Variants in CDC6 observed in about 807,000 individuals in gnomAD.
CDC6 encodes cell division cycle 6.
CDC6 carries 46 observed loss-of-function variants against 60.2 expected under a neutral mutation model. The observed-to-expected ratio is 0.76, with a 90% CI of 0.60 to 0.98. The LOEUF (loss-of-function observed/expected upper bound fraction) is 0.98. CDC6 is among the 50% of genes least tolerant of loss of function. CDC6 has a pLI of 0.00. For synonymous variants in CDC6, 210 were observed against 233.2 expected (o/e 0.90, Z 0.90); for missense variants, 596 against 652.9 (o/e 0.91, Z 0.95).
At chr17:40,296,609 G>C in intron 8 of CDC6, 94 bp from the exon 9 acceptor site, 2 of 752,648 alleles carry the variant, frequency 2.7e-6, no homozygotes, top group Non-Finnish European at 4.9e-6. Context: ...TGCAGTCTTT[G>C]AGCAATGGTC....
Position 40,293,940 on chromosome 17 carries a change from C to G in CDC6, c.837-10C>G, listed in dbSNP as rs761076265. On this transcript the variant is annotated splice_polypyrimidine_tract_variant and intron_variant, in intron 5 of 11. Coordinates refer to ENST00000209728, the MANE Select transcript of CDC6 (RefSeq NM_001254.4). Reference sequence around the variant, plus strand: ...GTGAATATGGATACTAACTGTTTCTCTTTTTATAGTGTGTTGGTATTGGAC... The same window carrying G: ...GTGAATATGGATACTAACTGTTTCTGTTTTTATAGTGTGTTGGTATTGGAC... 2 of 1,603,396 alleles carry G rather than the reference C, an allele frequency of 1.2e-6. No individual in the cohort carries two copies. Among genetic ancestry groups the G allele is most frequent in the Non-Finnish European group, 1.7e-6 (2 of 1,170,376 alleles).
At chr17:40,296,126 G>C (rs574354717) in intron 8 of CDC6, among the ~76,000 whole-genome samples, 19 of 152,288 alleles carry the variant, frequency 1.2e-4, no homozygotes, top group South Asian at 6.2e-4. Context: ...CCTATTGCTA[G>C]ATTGCATGAT....
chr17:40,291,737 GT>G (rs2032766291), intron 4 of CDC6, 69 bp downstream of exon 4: 7 of 1,408,838 alleles, frequency 5.0e-6, no homozygotes, highest in Non-Finnish European at 7.0e-6. Context: ...TTGTTTGTTT[GT>G]TTTGTTTTGT....
Position 40,289,634 on chromosome 17 carries a change from C to T in CDC6, c.178+36C>T, listed in dbSNP as rs780766946. 2.6e-5 allele frequency: 41 copies of T among 1,552,780 alleles called. No individual in the cohort carries two copies. The Admixed American group carries it at 6.7e-4, about 25-fold the overall frequency. On this transcript the variant is annotated intron_variant, in intron 2 of 11. Coordinates refer to ENST00000209728, the MANE Select transcript of CDC6 (RefSeq NM_001254.4). Reference sequence around the variant, plus strand: ...CATTATATCACTTTTTCACTAGCAGCTCGTGACCTTTCTTTTCTTGGTAAG... The same window carrying T: ...CATTATATCACTTTTTCACTAGCAGTTCGTGACCTTTCTTTTCTTGGTAAG...
intron 11 of CDC6, 52 bp from the exon 12 acceptor site, chr17:40,301,860 C>A: frequency 8.2e-7 from 1 of 1,220,696 alleles, no homozygotes. Context: ...ATACTGACAA[C>A]TTTGCTTTTG....
chr17:40,303,505 C>G lies in CDC6; in HGVS notation c.*1504C>G, dbSNP rs1029908402. 3 of 152,242 alleles carry G rather than the reference C, an allele frequency of 2.0e-5. No individual in the cohort carries two copies. Among genetic ancestry groups the G allele is most frequent in the African/African-American group, 4.8e-5 (2 of 41,446 alleles). The allele number at this position is 152,242 out of a possible 1,614,324, so 9.4% of individuals were successfully genotyped here. A position where few individuals can be genotyped will look rare whatever the true frequency, so the allele number is the denominator to read the frequency against. On this transcript the variant is annotated 3_prime_UTR_variant, in exon 12 of 12. Transcript: ENST00000209728. ...CTGTATCCGTGTAATGTGATCTGAG[C>G]TACAACAGGTGGTATGGGATAGAGG...
chr17:40,301,654 T>C, intron 11 of CDC6, 46 bp downstream of exon 11: 1 of 1,588,056 alleles, frequency 6.3e-7, no homozygotes, highest in African/African-American at 1.3e-5. Context: ...TCCTATTTTG[T>C]AGAGTGATGC....
In CDC6 at chr17:40,301,502, A is replaced by T. The variant is rs544050407; in HGVS notation, c.1487A>T (p.Gln496Leu). 3.1e-5 allele frequency: 50 copies of T among 1,614,036 alleles called. 1 individual carries two copies. The South Asian group carries it at 5.1e-4, about 16-fold the overall frequency. Reference protein sequence around the residue: ...YEAYSKVCRKQQVAAVDQSEC... With the variant: ...YEAYSKVCRKLQVAAVDQSEC... ...GCCTACAGTAAAGTCTGTCGCAAAC[A>T]GCAGGTGGCGGCTGTGGACCAGTCA... Residue 496 changes from glutamine (Q) to leucine (L), a missense_variant, in exon 11 of 12, where the codon CAG (glutamine) becomes CTG (leucine). Gln to Leu is a moderately radical substitution (Grantham distance 113). Coordinates refer to ENST00000209728, the MANE Select transcript of CDC6 (RefSeq NM_001254.4).
chr17:40,299,654 T>G (rs1485538664), intron 9 of CDC6, among the ~76,000 whole-genome samples: 1 of 151,906 alleles, frequency 6.6e-6, no homozygotes, highest in Non-Finnish European at 1.5e-5. Context: ...TCCCAGTGCT[T>G]TGGGAGGCCG....
rs2032949228 is a variant in CDC6 at position 40,302,121 on chromosome 17, A to G, written c.*120A>G. ...AATATGACCTTTTTTACTTGAAGCC[A>G]ATGAATTTTAATCTATAGATTCTTT... On this transcript the variant is annotated 3_prime_UTR_variant, in exon 12 of 12. Transcript: ENST00000209728. 1.3e-6 allele frequency: 1 copy of G among 747,806 alleles called. No homozygotes were observed. Among genetic ancestry groups the G allele is most frequent in the Admixed American group, 1.9e-5 (1 of 53,038 alleles). 46.3% of individuals were successfully genotyped at this position (747,806 alleles called of 1,614,324 possible). A position where few individuals can be genotyped will look rare whatever the true frequency, so the allele number is the denominator to read the frequency against.
At chr17:40,292,730 C>T (rs1184778354) in intron 4 of CDC6, among the ~76,000 whole-genome samples, 1 of 151,190 alleles carries the variant, frequency 6.6e-6, no homozygotes, top group Non-Finnish European at 1.5e-5. Context: ...GAGATTGAGA[C>T]CATCCTGACT....
At chr17:40,301,838 G>A in intron 11 of CDC6, 74 bp from the exon 12 acceptor site, 3 of 1,056,246 alleles carry the variant, frequency 2.8e-6, no homozygotes, top group Non-Finnish European at 4.4e-6. Flanking sequence ...GTTTAATATG[G>A]TAGAAGTTTG....
In CDC6 at chr17:40,295,370, G is replaced by A; in HGVS notation, c.1098G>A (p.Gln366=). ...QDRLNQVSRD[Q]VLDNAAVQFC... is the part of the protein sequence containing the mutation. ...CTTGTCTGAAGGTATCTAGAGATCA[G>A]GTTCTGGACAATGCTGCAGTTCAAT... is the stretch of plus-strand genomic sequence containing the variant. Residue 366 remains glutamine (Q), a synonymous_variant, in exon 8 of 12, where the codon CAG becomes CAA. Transcript: ENST00000209728. 6.2e-7 allele frequency: 1 copy of A among 1,611,802 alleles called. No homozygotes were observed. Among genetic ancestry groups the A allele is most frequent in the Non-Finnish European group, 8.5e-7 (1 of 1,177,998 alleles).
chr17:40,301,699 C>T, intron 11 of CDC6, 91 bp downstream of exon 11: 1 of 1,399,314 alleles, frequency 7.1e-7, no homozygotes. Flanking sequence ...AAGATGACCA[C>T]AGTTAGTTAA....
At chr17:40,290,356 G>A (rs1000245984) in intron 2 of CDC6, among the ~76,000 whole-genome samples, 6 of 152,100 alleles carry the variant, frequency 3.9e-5, no homozygotes, top group Admixed American at 2.6e-4. Context: ...AGACATTTTT[G>A]GTTGTTACAG....
chr17:40,291,352 A>G lies in CDC6; in HGVS notation c.460+13A>G, dbSNP rs201526357. The G allele has an allele frequency of 3.1e-6, 5 of 1,614,106 alleles. No individual in the cohort carries two copies. Among genetic ancestry groups the G allele is most frequent in the Middle Eastern group, 1.6e-4 (1 of 6,062 alleles). On this transcript the variant is annotated intron_variant, in intron 3 of 11. Transcript: ENST00000209728. ...TTCAAGCAAGAAGGTTTGTTCTTACATGGCAACTGTTAGTGCAGCCATTGT... is the reference window on the plus strand; with the variant it reads ...TTCAAGCAAGAAGGTTTGTTCTTACGTGGCAACTGTTAGTGCAGCCATTGT...
At chr17:40,293,727 T>C in intron 5 of CDC6, 96 bp downstream of exon 5, 1 of 1,056,408 alleles carries the variant, frequency 9.5e-7, no homozygotes, top group East Asian at 2.4e-5. Flanking sequence ...TGAAGGATAG[T>C]TACATAAACT....
In CDC6 at chr17:40,300,964, G is replaced by C; in HGVS notation, c.1386G>C (p.Lys462Asn). ...AAGATTCCTTCCCTCTTCAGCAGAAGATCTTGGTTTGCTCTTTGATGCTCT... is the reference window on the plus strand; with the variant it reads ...AAGATTCCTTCCCTCTTCAGCAGAACATCTTGGTTTGCTCTTTGATGCTCT... ...GAQDSFPLQQ[K>N]ILVCSLMLLI... The change falls in exon 10 of 12, where the codon AAG becomes AAC. Residue 462 changes from lysine (K) to asparagine (N), a missense_variant. Physicochemically the swap from Lys to Asn is moderately conservative, Grantham distance 94. Coordinates refer to ENST00000209728, the MANE Select transcript of CDC6 (RefSeq NM_001254.4). 2.5e-6 allele frequency: 4 copies of C among 1,614,116 alleles called. No homozygotes were observed. Among genetic ancestry groups the C allele is most frequent in the Non-Finnish European group, 3.4e-6 (4 of 1,179,968 alleles).
At chr17:40,288,193 AAGG>A (rs1177868163) in intron 1 of CDC6, 103 bp downstream of exon 1, 1 of 152,670 alleles carries the variant, frequency 6.6e-6, no homozygotes, top group Non-Finnish European at 1.5e-5. Flanking sequence ...GCGTGGTGTG[AAGG>A]AGGTGAAAGT....
Sources: gnomAD v4.1 joint callset for allele counts (sites outside exome capture counted in the v4.1 genomes callset) on GRCh38, gnomAD v4.1.1 for gene constraint, MANE v1.5 for transcripts, NCBI Gene and HGNC (gene_info 2026-07-23, HGNC 2026-07-21) for gene names.